The following DMD variants were observed in gnomAD, a reference collection of about 807,000 sequenced individuals.
DMD encodes the protein mutant dystrophin.
In DMD, 63 loss-of-function variants were observed where a neutral mutation model predicts 330.1. That is an observed-to-expected ratio of 0.19 (90% CI 0.16 to 0.24). The LOEUF is 0.24. DMD is among the 10% of genes least tolerant of loss of function. DMD has a pLI of 1.00. For missense variants in DMD, 3,344 were observed against 2,684.1 expected, an observed-to-expected ratio of 1.25 and a Z score of -5.43; for synonymous variants, 1,223 against 959.8, an observed-to-expected ratio of 1.27 and a Z score of -5.07.
intron 56 of DMD, among the ~76,000 whole-genome samples, chrX:31,500,599 T>A (rs2070336461): frequency 8.9e-6 from 1 of 112,444 alleles, no homozygotes. Flanking sequence ...TGAGTGTATA[T>A]ACCAGATATT....
At chrX:32,629,526 C>T (rs2058594383) in intron 11 of DMD, among the ~76,000 whole-genome samples, 1 of 111,161 alleles carries the variant, frequency 9.0e-6, no homozygotes, top group Non-Finnish European at 1.9e-5. Context: ...TCCATGTTAT[C>T]ATTGGTACGT....
chrX:32,848,933 G>C (rs1031684402), intron 3 of DMD, among the ~76,000 whole-genome samples: 20 of 110,867 alleles, frequency 1.8e-4, no homozygotes, highest in Non-Finnish European at 3.6e-4. Context: ...TAGGATTTTT[G>C]CTAACTGACT....
chrX:32,204,976 A>ATCTCTCTCTCTCTCTCTCTCTC (rs200970973), intron 44 of DMD, among the ~76,000 whole-genome samples: 14 of 45,313 alleles, frequency 3.1e-4, no homozygotes, highest in Non-Finnish European at 4.8e-4. Flanking sequence ...CATCCAAGCC[A>ATCTCTCTCTCTCTCTCTCTCTC]TCTCTCTCTC....
intron 52 of DMD, among the ~76,000 whole-genome samples, chrX:31,693,217 T>C (rs778714067): frequency 6.3e-5 from 7 of 111,731 alleles, no homozygotes; most frequent in Non-Finnish European, 1.3e-4. Flanking sequence ...TTTGACAAAA[T>C]TCAACATCCT....
chrX:32,337,603 T>C (rs111772016), intron 41 of DMD, among the ~76,000 whole-genome samples: 3 of 110,667 alleles, frequency 2.7e-5, no homozygotes, highest in African/African-American at 9.8e-5. Context: ...AGAAACATTA[T>C]AATTGGTAAT....
intron 9 of DMD, among the ~76,000 whole-genome samples, chrX:32,685,807 A>G (rs896144021): frequency 4.5e-5 from 5 of 111,788 alleles, no homozygotes; most frequent in African/African-American, 1.6e-4. Context: ...TTCCAAAGAT[A>G]GTTTATTTCC....
intron 12 of DMD, among the ~76,000 whole-genome samples, chrX:32,602,381 A>G (rs2056298702): frequency 8.9e-6 from 1 of 111,971 alleles, no homozygotes; most frequent in Admixed American, 9.5e-5. Context: ...AACATTGAAT[A>G]AATAATTATA....
At chrX:32,999,777 AAAACAAAAAC>A (rs1300308271) in intron 2 of DMD, among the ~76,000 whole-genome samples, 1 of 99,618 alleles carries the variant, frequency 1.0e-5, no homozygotes, top group Non-Finnish European at 2.0e-5. Context: ...CTCCATCTCA[AAAACAAAAAC>A]AAAAACAAAA....
chrX:31,255,699 A>T (rs1441420429), intron 63 of DMD, among the ~76,000 whole-genome samples: 1 of 110,600 alleles, frequency 9.0e-6, no homozygotes, highest in African/African-American at 3.3e-5. Context: ...AAGTTTAGAA[A>T]CAGCCTGCCC....
At chrX:31,800,457 T>C (rs2092010647) in intron 50 of DMD, among the ~76,000 whole-genome samples, 1 of 112,158 alleles carries the variant, frequency 8.9e-6, no homozygotes, top group African/African-American at 3.2e-5. Context: ...GTCCTGAGAC[T>C]CCACAAAGCA....
rs145008841 is a variant in DMD at position 33,105,305 on chromosome X, G to C, written c.32-85105C>G. The stretch of plus-strand genomic sequence containing the variant: ...AGGAGGATTAAAGACTTAAGTCTAA[G>C]ACCTGAAACCATAAAACTCCTCAAA... On this transcript the variant is annotated intron_variant, in intron 1 of 78. Transcript: ENST00000357033. 6.4e-3 allele frequency among the ~76,000 whole-genome samples: 719 copies of C among 111,561 alleles called. 10 individuals carry two copies. The highest frequency in any genetic ancestry group is 0.022 in the African/African-American group (691 of 30,739).
intron 60 of DMD, among the ~76,000 whole-genome samples, chrX:31,379,377 A>G (rs1879582648): frequency 9.0e-6 from 1 of 111,033 alleles, no homozygotes; most frequent in Non-Finnish European, 1.9e-5. Flanking sequence ...TCTTTATCCC[A>G]AATCAGATAG....
intron 67 of DMD, among the ~76,000 whole-genome samples, chrX:31,185,219 G>A (rs767371690): frequency 1.8e-5 from 2 of 111,767 alleles, no homozygotes; most frequent in African/African-American, 6.5e-5. Context: ...TCTTAAACCT[G>A]TGATTTAGAG....
At chrX:32,014,376 C>T (rs983297871) in intron 44 of DMD, among the ~76,000 whole-genome samples, 1 of 111,336 alleles carries the variant, frequency 9.0e-6, no homozygotes, top group Non-Finnish European at 1.9e-5. Context: ...AGGTTTTTAG[C>T]ATTTTTAATA....
At chrX:33,070,695 A>C (rs1480662588) in intron 1 of DMD, among the ~76,000 whole-genome samples, 6 of 91,121 alleles carry the variant, frequency 6.6e-5, no homozygotes, top group South Asian at 5.5e-4. Context: ...ATATATATAT[A>C]TATATATATA....
chrX:33,245,715 T>C (rs2052653765), intron 1 of DMD, among the ~76,000 whole-genome samples: 1 of 112,361 alleles, frequency 8.9e-6, no homozygotes, highest in African/African-American at 3.2e-5. Flanking sequence ...CTTTGTATCA[T>C]AGAAGTAATA....
rs910877534 is a variant in DMD, at chrX:32,745,297, A to C, written c.650-46004T>G. On this transcript the variant is annotated intron_variant, in intron 7 of 78. Coordinates refer to ENST00000357033, the MANE Select transcript of DMD (RefSeq NM_004006.3). ...CTATAAAACTATTGTCATGATGATC[A>C]ATCAGCATTTTAAGTTGAAACATAT... Among the ~76,000 whole-genome samples the C allele has an allele frequency of 7.1e-5, 8 of 112,322 alleles. No homozygotes were observed. The East Asian group carries it at 1.7e-3, about 24-fold the overall frequency.
At chrX:32,758,973 C>G (rs73209891) in intron 7 of DMD, among the ~76,000 whole-genome samples, 7,475 of 111,806 alleles carry the variant, frequency 0.067, 550 homozygotes, top group African/African-American at 0.21. Flanking sequence ...CATCCCTCTT[C>G]TCTATTTCGA....
chrX:32,449,273 T>C (rs1485589853), intron 26 of DMD, among the ~76,000 whole-genome samples: 1 of 110,704 alleles, frequency 9.0e-6, no homozygotes, highest in Non-Finnish European at 1.9e-5. Flanking sequence ...AATTTCAACA[T>C]TGGAAAAGGC....
Sources: gnomAD v4.1 joint callset for allele counts (sites outside exome capture counted in the v4.1 genomes callset) on GRCh38, gnomAD v4.1.1 for gene constraint, MANE v1.5 for transcripts, NCBI Gene and HGNC (gene_info 2026-07-23, HGNC 2026-07-21) for gene names.